Variants in GALNT10 observed in about 807,000 individuals in gnomAD.
The protein encoded by GALNT10 is polypeptide N-acetylgalactosaminyltransferase 10.
A neutral mutation model predicts 75.0 loss-of-function variants in GALNT10; 41 were observed. The ratio of observed to expected loss-of-function variants is 0.55; its 90% CI spans 0.43 to 0.71. The LOEUF (loss-of-function observed/expected upper bound fraction) is 0.71. Ranked by LOEUF, GALNT10 falls within the 30% of genes least tolerant of loss-of-function variation. The pLI, the probability that GALNT10 is intolerant of heterozygous loss-of-function variation, is 0.00. For missense variants in GALNT10, 727 were observed against 818.5 expected (o/e 0.89, Z 1.36); for synonymous variants, 302 against 313.0 (o/e 0.96, Z 0.37).
intron 1 of GALNT10, among the ~76,000 whole-genome samples, chr5:154,249,191 A>G (rs938089983): frequency 7.2e-5 from 11 of 152,164 alleles, no homozygotes; most frequent in African/African-American, 2.7e-4. Flanking sequence ...GCATTTGTTC[A>G]AACACAGATT....
At chr5:154,236,733 A>T (rs1279330693) in intron 1 of GALNT10, among the ~76,000 whole-genome samples, 1 of 152,216 alleles carries the variant, frequency 6.6e-6, no homozygotes, top group Non-Finnish European at 1.5e-5. Context: ...GAGCACTTTG[A>T]TTCTCATAAC....
At chr5:154,398,202 C>T (rs1399507281) in intron 7 of GALNT10, among the ~76,000 whole-genome samples, 1 of 152,254 alleles carries the variant, frequency 6.6e-6, no homozygotes, top group African/African-American at 2.4e-5. Context: ...GTGCTGGGAA[C>T]TCCTGCGGTG....
intron 4 of GALNT10, among the ~76,000 whole-genome samples, chr5:154,340,894 A>C (rs1312576546): frequency 6.6e-6 from 1 of 152,258 alleles, no homozygotes; most frequent in Non-Finnish European, 1.5e-5. Flanking sequence ...TCTAAAGATC[A>C]AGAAGGCCAA....
At chr5:154,299,205 C>T (rs576672168) in intron 3 of GALNT10, among the ~76,000 whole-genome samples, 1 of 152,200 alleles carries the variant, frequency 6.6e-6, no homozygotes, top group Non-Finnish European at 1.5e-5. Context: ...GGTAGACCTG[C>T]AGATTCTTGG....
chr5:154,346,388 A>C (rs889996301), intron 4 of GALNT10, among the ~76,000 whole-genome samples: 5 of 152,224 alleles, frequency 3.3e-5, no homozygotes, highest in East Asian at 1.9e-4. Flanking sequence ...ACTGTTTTCC[A>C]TAATGGCTGT....
chr5:154,352,107 A>G lies in GALNT10; in HGVS notation c.568+22369A>G, dbSNP rs1275343283. 6.6e-6 allele frequency among the ~76,000 whole-genome samples: 1 copy of G among 152,220 alleles called. No individual in the cohort carries two copies. The highest frequency in any genetic ancestry group is 1.5e-5 in the Non-Finnish European group (1 of 68,038). ...TGATTCACTTAGGGAATATTTATGA[A>G]ATACCCACTCTGTATCTGTTTACCA... On this transcript the variant is annotated intron_variant, in intron 4 of 11. Coordinates refer to ENST00000297107, the MANE Select transcript of GALNT10 (RefSeq NM_198321.4). This position sits in a 1 kb window ranked among gnomAD's most constrained non-coding sequence, Gnocchi z 4.4.
rs924663496 is a variant in GALNT10 at position 154,356,116 on chromosome 5, G to T, written c.569-20161G>T. The T allele has an allele frequency of 1.5e-5, 7 of 456,032 alleles. No individual in the cohort carries two copies. The East Asian group carries it at 2.8e-4, about 18-fold the overall frequency. The allele number at this position is 456,032 out of a possible 1,614,324, so 28.2% of individuals were successfully genotyped here. A position where few individuals can be genotyped will look rare whatever the true frequency, so the allele number is the denominator to read the frequency against. On this transcript the variant is annotated intron_variant, in intron 4 of 11. Transcript: ENST00000297107. ...TTTCATCTTCAGTGGAATCAGAAAG[G>T]TGTCTCCAGCTAAAAAGATTATGTC...
chr5:154,332,222 A>G (rs1034345757), intron 4 of GALNT10, among the ~76,000 whole-genome samples: 1 of 152,086 alleles, frequency 6.6e-6, no homozygotes, highest in Non-Finnish European at 1.5e-5. Context: ...AACAGCCTCC[A>G]CCACCTGGGG....
intron 1 of GALNT10, among the ~76,000 whole-genome samples, chr5:154,234,729 C>T (rs1482651991): frequency 4.6e-5 from 7 of 152,186 alleles, no homozygotes; most frequent in South Asian, 2.1e-4. Flanking sequence ...CCTGCATATA[C>T]GGGATTGGTC....
chr5:154,239,636 T>C (rs1361442217), intron 1 of GALNT10, among the ~76,000 whole-genome samples: 1 of 152,222 alleles, frequency 6.6e-6, no homozygotes, highest in Non-Finnish European at 1.5e-5. Context: ...ATTGGGGGAC[T>C]GCTGGTATAA....
At chr5:154,323,873 A>G (rs1015243403) in intron 3 of GALNT10, among the ~76,000 whole-genome samples, 1 of 152,324 alleles carries the variant, frequency 6.6e-6, no homozygotes, top group Admixed American at 6.5e-5. Flanking sequence ...GGGCTGTGTT[A>G]CACTGTGGAG....
At chr5:154,301,976 A>G (rs1392364205) in intron 3 of GALNT10, among the ~76,000 whole-genome samples, 1 of 151,552 alleles carries the variant, frequency 6.6e-6, no homozygotes, top group Non-Finnish European at 1.5e-5. Context: ...CGCTCCTGAC[A>G]CCCCCCTTTT....
chr5:154,327,472 T>C (rs1249977883), intron 3 of GALNT10, among the ~76,000 whole-genome samples: 1 of 152,254 alleles, frequency 6.6e-6, no homozygotes, highest in Non-Finnish European at 1.5e-5. Flanking sequence ...ACTCTGATCA[T>C]GTCCAAAGGA....
At chr5:154,242,382 T>C (rs1174950030) in intron 1 of GALNT10, among the ~76,000 whole-genome samples, 3 of 152,110 alleles carry the variant, frequency 2.0e-5, no homozygotes, top group Non-Finnish European at 4.4e-5. Context: ...AGGGTGACTG[T>C]TATGGTTTGA....
intron 7 of GALNT10, among the ~76,000 whole-genome samples, chr5:154,399,108 G>T (rs1247005813): frequency 6.6e-6 from 1 of 152,198 alleles, no homozygotes; most frequent in East Asian, 1.9e-4. Flanking sequence ...TCAATGACCT[G>T]CAGGAGGTCA....
chr5:154,215,220 C>T (rs983545941), intron 1 of GALNT10, among the ~76,000 whole-genome samples: 4 of 152,010 alleles, frequency 2.6e-5, no homozygotes, highest in Non-Finnish European at 5.9e-5. Flanking sequence ...CAGTGGCTCA[C>T]GCCTGTAATC....
chr5:154,358,328 A>G (rs762198468), intron 4 of GALNT10, among the ~76,000 whole-genome samples: 1 of 80,546 alleles, frequency 1.2e-5, no homozygotes, highest in Non-Finnish European at 2.7e-5. Context: ...CCTGGCTTAG[A>G]GTAACAACAA....
At chr5:154,252,009 T>C (rs116037932) in intron 1 of GALNT10, among the ~76,000 whole-genome samples, 1,899 of 152,272 alleles carry the variant, frequency 0.012, 39 homozygotes, top group East Asian at 0.088. Context: ...GTAGCTCCTT[T>C]CTTTATAGCA....
At chr5:154,283,486 A>G (rs928963215) in intron 1 of GALNT10, among the ~76,000 whole-genome samples, 1 of 152,010 alleles carries the variant, frequency 6.6e-6, no homozygotes, top group African/African-American at 2.4e-5. Flanking sequence ...AAACAAGAAT[A>G]CCAGAGTGAC....
Sources: allele counts gnomAD v4.1 joint callset (sites outside exome capture counted in the v4.1 genomes callset), GRCh38; gene constraint gnomAD v4.1.1; non-coding constraint Gnocchi (gnomAD v3.1); transcripts MANE v1.5; gene names NCBI Gene and HGNC (gene_info 2026-07-23, HGNC 2026-07-21).